Variants in ANO3 observed in about 807,000 individuals in gnomAD.
ANO3 encodes the protein anoctamin-3.
In ANO3, 99 loss-of-function variants were observed where a neutral mutation model predicts 144.8. The observed-to-expected ratio is 0.68, with a 90% confidence interval of 0.58 to 0.81. The LOEUF (loss-of-function observed/expected upper bound fraction) is 0.81. ANO3 is among the 30% of genes least tolerant of loss of function. The pLI, the probability that ANO3 is intolerant of heterozygous loss-of-function variation, is 0.00. For synonymous variants in ANO3, 414 were observed against 392.6 expected (o/e 1.05, Z -0.64); for missense variants, 905 against 1,202.2 (o/e 0.75, Z 3.66).
chr11:26,270,118 G>C (rs1314883045), intron 1 of ANO3, among the ~76,000 whole-genome samples: 1 of 152,136 alleles, frequency 6.6e-6, no homozygotes, highest in Non-Finnish European at 1.5e-5. Context: ...ATATTTTTAA[G>C]ATGTTCAGCT....
intron 1 of ANO3, among the ~76,000 whole-genome samples, chr11:26,300,846 CT>C (rs1005461874): frequency 1.4e-5 from 2 of 141,362 alleles, no homozygotes; most frequent in East Asian, 2.0e-4. Context: ...TTATTTCTTT[CT>C]TTTTTTTCTT....
chr11:26,275,671 G>A (rs1384014433), intron 1 of ANO3, among the ~76,000 whole-genome samples: 1 of 152,064 alleles, frequency 6.6e-6, no homozygotes, highest in African/African-American at 2.4e-5. Context: ...TAACTCTGGA[G>A]GTCAGATCTC....
intron 1 of ANO3, among the ~76,000 whole-genome samples, chr11:26,255,511 AT>A (rs1853036804): frequency 6.6e-6 from 1 of 152,104 alleles, no homozygotes; most frequent in South Asian, 2.1e-4. Flanking sequence ...TTTTCCATAC[AT>A]TTTCAGATAG....
At chr11:26,251,920 A>C (rs1852936865) in intron 1 of ANO3, among the ~76,000 whole-genome samples, 1 of 152,198 alleles carries the variant, frequency 6.6e-6, no homozygotes. Flanking sequence ...CCTGGGGATT[A>C]CAATTTGAGA....
intron 3 of ANO3, among the ~76,000 whole-genome samples, chr11:26,451,324 T>C (rs2134037787): frequency 6.6e-6 from 1 of 152,234 alleles, no homozygotes; most frequent in South Asian, 2.1e-4. Context: ...GGAGTTCCCT[T>C]TCCTAGTCAA....
chr11:26,434,986 CT>C (rs1858243333), intron 1 of ANO3, among the ~76,000 whole-genome samples: 1 of 152,106 alleles, frequency 6.6e-6, no homozygotes, highest in South Asian at 2.1e-4. Context: ...TGTTAATTTT[CT>C]GCCTTAATGA....
intron 1 of ANO3, among the ~76,000 whole-genome samples, chr11:26,419,362 T>G (rs2133995755): frequency 6.6e-6 from 1 of 152,150 alleles, no homozygotes; most frequent in East Asian, 1.9e-4. Flanking sequence ...GATAAGCCAC[T>G]TTTTCTTATT....
At chr11:26,260,759 T>C (rs1853169237) in intron 1 of ANO3, among the ~76,000 whole-genome samples, 1 of 152,128 alleles carries the variant, frequency 6.6e-6, no homozygotes, top group Non-Finnish European at 1.5e-5. Flanking sequence ...CAGCATTTTG[T>C]GGGCTGTTTT....
chr11:26,501,029 A>T (rs1043776273), intron 4 of ANO3, among the ~76,000 whole-genome samples: 6 of 152,228 alleles, frequency 3.9e-5, no homozygotes, highest in African/African-American at 1.2e-4. Flanking sequence ...CCATAAAAGG[A>T]TACAGAAAGT....
intron 3 of ANO3, among the ~76,000 whole-genome samples, chr11:26,459,726 G>A (rs1461570950): frequency 6.6e-6 from 1 of 152,024 alleles, no homozygotes; most frequent in Non-Finnish European, 1.5e-5. Context: ...GTGCTGAAGA[G>A]TGAAATGTAC....
At chr11:26,487,320 T>C (rs1180162731) in intron 4 of ANO3, among the ~76,000 whole-genome samples, 1 of 152,168 alleles carries the variant, frequency 6.6e-6, no homozygotes, top group Non-Finnish European at 1.5e-5. Flanking sequence ...CTTGCTGCTG[T>C]CATGTAAGAA....
chr11:26,454,965 A>G (rs1859095172), intron 3 of ANO3, among the ~76,000 whole-genome samples: 1 of 147,382 alleles, frequency 6.8e-6, no homozygotes, highest in African/African-American at 2.5e-5. Context: ...AGAGCCAAAG[A>G]CAAAAACCAC....
intron 1 of ANO3, among the ~76,000 whole-genome samples, chr11:26,385,908 T>TATATATATATATATATATACAC (rs1310559300): frequency 2.0e-5 from 3 of 149,372 alleles, no homozygotes; most frequent in East Asian, 4.0e-4. Context: ...TATATTTATA[T>TATATATATATATATATATACAC]ACATATTTAC....
At chr11:26,342,691 C>T (rs937273756) in intron 1 of ANO3, among the ~76,000 whole-genome samples, 1 of 152,124 alleles carries the variant, frequency 6.6e-6, no homozygotes, top group Non-Finnish European at 1.5e-5. Context: ...TTATAAAATG[C>T]CAGTAGTTCC....
At chr11:26,263,718 A>G (rs1450264189) in intron 1 of ANO3, among the ~76,000 whole-genome samples, 1 of 152,256 alleles carries the variant, frequency 6.6e-6, no homozygotes. Flanking sequence ...TACAGTGAAA[A>G]GCCCATGTTT....
At chr11:26,557,172 G>A (rs904679341) in intron 13 of ANO3, among the ~76,000 whole-genome samples, 1 of 151,988 alleles carries the variant, frequency 6.6e-6, no homozygotes, top group African/African-American at 2.4e-5. Flanking sequence ...TCTTAACAAT[G>A]TTGAACAAGC....
intron 1 of ANO3, among the ~76,000 whole-genome samples, chr11:26,347,014 G>A (rs1030701533): frequency 2.6e-5 from 4 of 152,172 alleles, no homozygotes; most frequent in Non-Finnish European, 4.4e-5. Context: ...AAAATGTGCT[G>A]CCCATATTTA....
chr11:26,423,181 C>T (rs1181586902), intron 1 of ANO3, among the ~76,000 whole-genome samples: 4 of 151,672 alleles, frequency 2.6e-5, no homozygotes, highest in Non-Finnish European at 5.9e-5. Context: ...AACTACAAAT[C>T]AATAGAAACA....
intron 1 of ANO3, among the ~76,000 whole-genome samples, chr11:26,394,255 T>G (rs756327537): frequency 2.0e-5 from 3 of 152,184 alleles, no homozygotes; most frequent in African/African-American, 7.2e-5. Context: ...AGGAGATGAT[T>G]TGAAAAACCT....
Sources: allele counts gnomAD v4.1 joint callset (sites outside exome capture counted in the v4.1 genomes callset), GRCh38; gene constraint gnomAD v4.1.1; transcripts MANE v1.5; gene names NCBI Gene and HGNC (gene_info 2026-07-23, HGNC 2026-07-21).